LTBP1: variants seen among roughly 807,000 people sequenced by gnomAD.
The protein encoded by LTBP1 is latent transforming growth factor beta binding protein 1, also known as latent-transforming growth factor beta-binding protein 1.
LTBP1 carries 129 observed loss-of-function variants against 207.6 expected under a neutral mutation model. The observed-to-expected ratio is 0.62, with a 90% CI of 0.54 to 0.72. The LOEUF (loss-of-function observed/expected upper bound fraction) is 0.72, where lower values mean the gene tolerates loss of function less well. Among genes scored for constraint, LTBP1 ranks in the 30% least tolerant of loss-of-function variants. LTBP1 has a pLI of 0.00. For missense variants in LTBP1, 2,281 were observed against 2,217.2 expected (o/e 1.03, Z -0.58); for synonymous variants, 963 against 833.7 (o/e 1.16, Z -2.67).
chr2:33,323,927 C>G (rs934714119), intron 24 of LTBP1, among the ~76,000 whole-genome samples: 1 of 152,124 alleles, frequency 6.6e-6, no homozygotes, highest in South Asian at 2.1e-4. Context: ...GCTACATGGG[C>G]TTGAACTCTT....
chr2:33,206,350 T>G (rs1389428074), intron 7 of LTBP1, among the ~76,000 whole-genome samples: 1 of 152,310 alleles, frequency 6.6e-6, no homozygotes, highest in East Asian at 1.9e-4. Context: ...CAATTTCACA[T>G]AGTGCTATGA....
At chr2:33,149,558 T>C (rs1470679105) in intron 5 of LTBP1, among the ~76,000 whole-genome samples, 1 of 152,222 alleles carries the variant, frequency 6.6e-6, no homozygotes, top group East Asian at 1.9e-4. Context: ...CCTAGTCAAC[T>C]GGACCCAGGC....
At chr2:33,383,036 T>A (rs533932375) in intron 31 of LTBP1, among the ~76,000 whole-genome samples, 1 of 152,184 alleles carries the variant, frequency 6.6e-6, no homozygotes, top group Admixed American at 6.5e-5. Flanking sequence ...TCTAATTTCA[T>A]AACTTTTACT....
intron 3 of LTBP1, among the ~76,000 whole-genome samples, chr2:33,107,591 G>A (rs1054286066): frequency 6.6e-6 from 1 of 152,180 alleles, no homozygotes; most frequent in Non-Finnish European, 1.5e-5. Flanking sequence ...CACCAGTGGA[G>A]GGGCACTTTG....
intron 32 of LTBP1, among the ~76,000 whole-genome samples, chr2:33,391,893 C>T (rs2095317585): frequency 6.6e-6 from 1 of 152,158 alleles, no homozygotes; most frequent in Non-Finnish European, 1.5e-5. Context: ...AGATGCAGTT[C>T]CAAGACCTCC....
Position 33,280,172 on chromosome 2 carries a change from T to A in LTBP1, c.3112+14T>A, listed in dbSNP as rs760339884. ...GACAGTGCCTTGGTAGGTACTATAG[T>A]GTACTTATCAAAGATTTGTTTCTTC... On this transcript the variant is annotated intron_variant, in intron 19 of 33. Transcript: ENST00000404816. The A allele has an allele frequency of 1.3e-6, 2 of 1,595,564 alleles. No individual in the cohort carries two copies. The highest frequency in any genetic ancestry group is 2.3e-5 in the South Asian group (2 of 86,652).
At position 32,975,583 on chromosome 2, in the gene LTBP1, GTTTTTTTTTTTTTTTTTTTTTTTT is replaced by G. The variant is rs779168923; in HGVS notation, c.565+26653_565+26676del. 6.4e-4 allele frequency among the ~76,000 whole-genome samples: 20 copies of G among 31,382 alleles called. No individual in the cohort carries two copies. In the South Asian group the frequency reaches 7.9e-3, roughly 12 times the overall value. 20.6% of individuals were successfully genotyped at this position (31,382 alleles called of 152,430 possible). A position where few individuals can be genotyped will look rare whatever the true frequency, so the allele number is the denominator to read the frequency against. On this transcript the variant is annotated intron_variant, in intron 2 of 33. Transcript: ENST00000404816. ...TTGTTGGAGGTTTCATTCATTCTTT[GTTTTTTTTTTTTTTTTTTTTTTTT>G]TTTTTTTTTTTTTTGTCTGACTGGG...
Position 33,282,368 on chromosome 2 carries a change from C to T in LTBP1, c.3112+2210C>T, listed in dbSNP as rs187368325. 3.3e-5 allele frequency among the ~76,000 whole-genome samples: 5 copies of T among 152,240 alleles called. 1 individual carries two copies. The highest frequency in any genetic ancestry group is 1.9e-4 in the East Asian group (1 of 5,182). ...CCCAAGATTTAATTGCAGTTCCATC[C>T]ATTGTTCATATTGGACTTGCAGCTC... On this transcript the variant is annotated intron_variant, in intron 19 of 33. Coordinates refer to ENST00000404816, the MANE Select transcript of LTBP1 (RefSeq NM_206943.4).
chr2:33,173,202 T>G (rs368732150), intron 5 of LTBP1, among the ~76,000 whole-genome samples: 2 of 151,920 alleles, frequency 1.3e-5, no homozygotes, highest in African/African-American at 4.8e-5. Context: ...TTCAAAAAAT[T>G]AATGAATCCA....
chr2:33,284,127 C>T (rs149149807), intron 19 of LTBP1, among the ~76,000 whole-genome samples: 9 of 152,248 alleles, frequency 5.9e-5, no homozygotes, highest in East Asian at 3.9e-4. Context: ...TTGGTGAAAC[C>T]GTTAATGGCC....
At chr2:33,009,419 G>C (rs1216793391) in intron 2 of LTBP1, among the ~76,000 whole-genome samples, 1 of 152,186 alleles carries the variant, frequency 6.6e-6, no homozygotes, top group African/African-American at 2.4e-5. Context: ...AATTATTTAA[G>C]ATGAGGCCAT....
At chr2:33,109,413 C>T (rs1342869317) in intron 3 of LTBP1, among the ~76,000 whole-genome samples, 1 of 152,232 alleles carries the variant, frequency 6.6e-6, no homozygotes, top group African/African-American at 2.4e-5. Flanking sequence ...CTGCACTGTC[C>T]TAACAATTTC....
intron 2 of LTBP1, among the ~76,000 whole-genome samples, chr2:33,017,874 C>T (rs373726636): frequency 1.1e-4 from 17 of 152,278 alleles, no homozygotes; most frequent in African/African-American, 3.8e-4. Context: ...CCTCGGCCTC[C>T]CAAAGTACAA....
intron 2 of LTBP1, among the ~76,000 whole-genome samples, chr2:33,016,991 TG>T (rs1169269790): frequency 6.6e-6 from 1 of 152,214 alleles, no homozygotes; most frequent in Admixed American, 6.5e-5. Context: ...CACTCCAGCC[TG>T]GGTGACAGAG....
chr2:33,281,358 C>T (rs1025926358), intron 19 of LTBP1, among the ~76,000 whole-genome samples: 1 of 152,014 alleles, frequency 6.6e-6, no homozygotes, highest in African/African-American at 2.4e-5. Context: ...GGAGGGAGAA[C>T]ATTTCAGGCA....
chr2:33,053,094 C>G (rs1387142572), intron 3 of LTBP1, among the ~76,000 whole-genome samples: 2 of 152,192 alleles, frequency 1.3e-5, no homozygotes, highest in Non-Finnish European at 2.9e-5. Context: ...TCGTCTTGAA[C>G]TCCTGACCTC....
intron 24 of LTBP1, among the ~76,000 whole-genome samples, chr2:33,340,720 G>A (rs745879996): frequency 2.9e-4 from 44 of 152,156 alleles, no homozygotes; most frequent in Non-Finnish European, 5.6e-4. Flanking sequence ...AAGTTGACAT[G>A]TACTATATTG....
chr2:33,121,269 G>GT (rs34616105), intron 4 of LTBP1, among the ~76,000 whole-genome samples: 56,641 of 148,782 alleles, frequency 0.38, 10,875 homozygotes, highest in South Asian at 0.46. Flanking sequence ...CTTTTCCAAG[G>GT]TTCTAGCTTT....
chr2:32,962,162 C>T (rs1265254726), intron 2 of LTBP1, among the ~76,000 whole-genome samples: 3 of 151,644 alleles, frequency 2.0e-5, no homozygotes, highest in Non-Finnish European at 2.9e-5. Context: ...TATTGACCAT[C>T]GAGTTTACCA....
Sources: allele counts gnomAD v4.1 joint callset (sites outside exome capture counted in the v4.1 genomes callset), GRCh38; gene constraint gnomAD v4.1.1; transcripts MANE v1.5; gene names NCBI Gene and HGNC (gene_info 2026-07-23, HGNC 2026-07-21).